AIG1: variants seen among roughly 807,000 people sequenced by gnomAD.
AIG1 encodes the protein androgen-induced gene 1 protein.
Under a neutral mutation model 31.4 loss-of-function variants are expected in AIG1, and 23 were observed. The observed-to-expected ratio is 0.73, with a 90% confidence interval of 0.53 to 1.04. The LOEUF (loss-of-function observed/expected upper bound fraction) is 1.04. AIG1 is among the 50% of genes least tolerant of loss of function. The pLI is 0.00. For missense variants in AIG1, 274 were observed against 295.0 expected (o/e 0.93, Z 0.52); for synonymous variants, 100 against 110.5 (o/e 0.90, Z 0.60).
intron 2 of AIG1, among the ~76,000 whole-genome samples, chr6:143,154,716 G>A (rs1030149859): frequency 5.3e-5 from 8 of 152,146 alleles, no homozygotes; most frequent in Admixed American, 3.3e-4. Context: ...TAATTTTCTG[G>A]TTTTGAGGAT....
intron 1 of AIG1, among the ~76,000 whole-genome samples, chr6:143,128,307 G>C (rs1562404016): frequency 6.6e-6 from 1 of 152,298 alleles, no homozygotes; most frequent in East Asian, 1.9e-4. Flanking sequence ...GACAGGGAGA[G>C]TTGGGGAGGT....
rs765201889 is a variant in AIG1, at chr6:143,136,965, CT to C, written c.273del (p.Val92CysfsTer11). ...KLISLRDWMLAVLAFPVGVFV... is the reference protein window; with the variant it reads ...KLISLRDWMLXVLAFPVGVFV... ...ATCTCTCTCCGGGACTGGATGTTAG[CT>C]GTGTTGGCCTTTCCTGTTGGGGTTG... On this transcript the variant is annotated frameshift_variant, in exon 2 of 6. Coordinates refer to ENST00000357847, the MANE Select transcript of AIG1 (RefSeq NM_016108.4). LOFTEE classifies it high-confidence loss of function. 4 of 1,464,134 alleles carry C rather than the reference CT, an allele frequency of 2.7e-6. No individual in the cohort carries two copies. The East Asian group carries it at 1.0e-4, about 37-fold the overall frequency. 90.7% of individuals were successfully genotyped at this position (1,464,134 alleles called of 1,614,324 possible). A position where few individuals can be genotyped will look rare whatever the true frequency, so the allele number is the denominator to read the frequency against.
intron 3 of AIG1, among the ~76,000 whole-genome samples, chr6:143,207,182 A>C (rs1331894606): frequency 1.3e-5 from 2 of 152,144 alleles, no homozygotes; most frequent in Non-Finnish European, 2.9e-5. Flanking sequence ...AGTTGCAATG[A>C]CTTAAGACTT....
chr6:143,331,623 C>A lies in AIG1; in HGVS notation c.516-1659C>A, dbSNP rs1777075922. 6.6e-6 allele frequency among the ~76,000 whole-genome samples: 1 copy of A among 151,842 alleles called. No individual in the cohort carries two copies. Among genetic ancestry groups the A allele is most frequent in the African/African-American group, 2.4e-5 (1 of 41,308 alleles). On this transcript the variant is annotated intron_variant, in intron 4 of 5. Transcript: ENST00000357847. The surrounding 1 kb of genome is among the most constrained non-coding windows in gnomAD (Gnocchi z 4.1). ...TCACCTACTGATGTGTTTCTATATA[C>A]ATATATGTACATCTGTGTGTGTGTA... is the stretch of plus-strand genomic sequence containing the variant.
intron 1 of AIG1, among the ~76,000 whole-genome samples, chr6:143,112,589 G>A (rs971239268): frequency 2.6e-5 from 4 of 152,148 alleles, no homozygotes; most frequent in African/African-American, 4.8e-5. Flanking sequence ...GATAGTTACC[G>A]TGCAGTTTGA....
At position 143,297,574 on chromosome 6, in the gene AIG1, T is replaced by G. The variant is rs906218243; in HGVS notation, c.515+13349T>G. On this transcript the variant is annotated intron_variant, in intron 4 of 5. Coordinates refer to ENST00000357847, the MANE Select transcript of AIG1 (RefSeq NM_016108.4). This position sits in a 1 kb window ranked among gnomAD's most constrained non-coding sequence, Gnocchi z 5.1. Reference sequence around the variant, plus strand: ...GGTGATTGGATGGTTGGGTGGTTGGTTGGGTGGGTGGTTGCTTAGTTGGGT... The same window carrying G: ...GGTGATTGGATGGTTGGGTGGTTGGGTGGGTGGGTGGTTGCTTAGTTGGGT... Among the ~76,000 whole-genome samples, 1 of 152,038 alleles carries G rather than the reference T, an allele frequency of 6.6e-6. No homozygotes were observed. Among genetic ancestry groups the G allele is most frequent in the East Asian group, 1.9e-4 (1 of 5,166 alleles).
intron 4 of AIG1, among the ~76,000 whole-genome samples, chr6:143,316,495 C>G (rs780144305): frequency 1.3e-5 from 2 of 151,960 alleles, no homozygotes; most frequent in Non-Finnish European, 2.9e-5. Context: ...GGGGATACAG[C>G]AAAAGCAGTG....
chr6:143,065,825 C>A (rs1301249536), intron 1 of AIG1, among the ~76,000 whole-genome samples: 1 of 152,176 alleles, frequency 6.6e-6, no homozygotes, highest in Non-Finnish European at 1.5e-5. Context: ...AAACCATGAA[C>A]TGGATTTTTT....
rs145391532 is a variant in AIG1 at position 143,291,025 on chromosome 6, C to T, written c.515+6800C>T. 2.9e-3 allele frequency among the ~76,000 whole-genome samples: 434 copies of T among 152,202 alleles called. 2 individuals are homozygous for T. Among genetic ancestry groups the T allele is most frequent in the African/African-American group, 0.01 (424 of 41,534 alleles). The stretch of plus-strand genomic sequence containing the variant: ...CTGTTGGGGGAAGGAAGGGCCTCTC[C>T]ACACTGACCAAAGCCAAGTGTGAGG... On this transcript the variant is annotated intron_variant, in intron 4 of 5. Coordinates refer to ENST00000357847, the MANE Select transcript of AIG1 (RefSeq NM_016108.4). This position sits in a 1 kb window ranked among gnomAD's most constrained non-coding sequence, Gnocchi z 4.2.
chr6:143,068,261 A>G (rs1776906668), intron 1 of AIG1, among the ~76,000 whole-genome samples: 1 of 152,150 alleles, frequency 6.6e-6, no homozygotes, highest in Non-Finnish European at 1.5e-5. Flanking sequence ...TTTCTGGGGG[A>G]AGCAAGAACA....
intron 3 of AIG1, among the ~76,000 whole-genome samples, chr6:143,271,730 G>A (rs1254049416): frequency 3.9e-5 from 6 of 152,110 alleles, no homozygotes; most frequent in Non-Finnish European, 8.8e-5. Flanking sequence ...GTGAATACGC[G>A]GCTTAAATTT....
chr6:143,282,915 C>T (rs1797437892), intron 3 of AIG1, among the ~76,000 whole-genome samples: 1 of 152,186 alleles, frequency 6.6e-6, no homozygotes, highest in Non-Finnish European at 1.5e-5. Context: ...ATTCAATTTC[C>T]TGCCTTTTCC....
At chr6:143,188,405 A>G (rs1226755058) in intron 3 of AIG1, 4 of 985,312 alleles carry the variant, frequency 4.1e-6, no homozygotes, top group Non-Finnish European at 4.8e-6. Flanking sequence ...GTTGGCTGAC[A>G]TTTCAGGCTC....
intron 2 of AIG1, among the ~76,000 whole-genome samples, chr6:143,140,521 C>G (rs1372928013): frequency 6.6e-6 from 1 of 152,092 alleles, no homozygotes; most frequent in Non-Finnish European, 1.5e-5. Flanking sequence ...TAGTTTCATT[C>G]TTATGACTTA....
Position 143,297,558 on chromosome 6 carries a change from ATGGTTGGGTGGTTGGT to A in AIG1, c.515+13337_515+13352del, listed in dbSNP as rs1289597799. On this transcript the variant is annotated intron_variant, in intron 4 of 5. Coordinates refer to ENST00000357847, the MANE Select transcript of AIG1 (RefSeq NM_016108.4). This position sits in a 1 kb window ranked among gnomAD's most constrained non-coding sequence, Gnocchi z 5.1. ...GGTGGTTGGATGGCTGGGTGATTGGATGGTTGGGTGGTTGGTTGGGTGGGTGGTTGCTTAGTTGGGT... is the reference window on the plus strand; with the variant it reads ...GGTGGTTGGATGGCTGGGTGATTGGATGGGTGGGTGGTTGCTTAGTTGGGT... Among the ~76,000 whole-genome samples, 1 of 150,954 alleles carries A rather than the reference ATGGTTGGGTGGTTGGT, an allele frequency of 6.6e-6. No individual in the cohort carries two copies. The highest frequency in any genetic ancestry group is 1.5e-5 in the Non-Finnish European group (1 of 67,662).
At position 143,334,061 on chromosome 6, in the gene AIG1, G is replaced by A; in HGVS notation, c.679+616G>A. The A allele has an allele frequency of 6.5e-7, 1 of 1,550,266 alleles. No homozygotes were observed. Among genetic ancestry groups the A allele is most frequent in the Non-Finnish European group, 8.7e-7 (1 of 1,146,840 alleles). ...TAACCTGTGATTTGATTTCTCTTTT[G>A]TTTCCATTTATGGCAGAGCCTCCAT... On this transcript the variant is annotated intron_variant, in intron 5 of 5. Transcript: ENST00000357847. The surrounding 1 kb of genome is among the most constrained non-coding windows in gnomAD (Gnocchi z 5.1).
intron 3 of AIG1, among the ~76,000 whole-genome samples, chr6:143,207,840 CAT>C (rs1246091924): frequency 4.6e-5 from 7 of 152,018 alleles, no homozygotes; most frequent in Admixed American, 4.6e-4. Flanking sequence ...AAGCATAAAA[CAT>C]AACATTGACA....
chr6:143,287,959 C>CT (rs1178731756), intron 4 of AIG1, among the ~76,000 whole-genome samples: 7 of 151,988 alleles, frequency 4.6e-5, no homozygotes, highest in Admixed American at 2.6e-4. Context: ...ATGAAAATAT[C>CT]TTTTTTTTAA....
rs896764384 is a variant in AIG1, at chr6:143,301,185, A to G, written c.515+16960A>G. 6.1e-4 allele frequency among the ~76,000 whole-genome samples: 93 copies of G among 152,218 alleles called. 1 individual carries two copies. Among genetic ancestry groups the G allele is most frequent in the African/African-American group, 2.2e-3 (92 of 41,466 alleles). On this transcript the variant is annotated intron_variant, in intron 4 of 5. Coordinates refer to ENST00000357847, the MANE Select transcript of AIG1 (RefSeq NM_016108.4). ...CAAGTTCCCCTGTGCTTATCTAATAATGAGTTTGGACAAGAATAATGCTGC... is the reference window on the plus strand; with the variant it reads ...CAAGTTCCCCTGTGCTTATCTAATAGTGAGTTTGGACAAGAATAATGCTGC...
Sources: gnomAD v4.1 joint callset for allele counts (sites outside exome capture counted in the v4.1 genomes callset) on GRCh38, gnomAD v4.1.1 for gene constraint, Gnocchi (gnomAD v3.1) non-coding constraint, MANE v1.5 for transcripts, NCBI Gene and HGNC (gene_info 2026-07-23, HGNC 2026-07-21) for gene names.